The following SLC10A7 variants were observed in gnomAD, a reference collection of about 807,000 sequenced individuals.
SLC10A7 encodes solute carrier family 10 member 7, also known as sodium/bile acid cotransporter 7.
In SLC10A7, 29 loss-of-function variants were observed where a neutral mutation model predicts 43.2. That is an observed-to-expected ratio of 0.67 (90% CI 0.50 to 0.92). SLC10A7 has a LOEUF of 0.92. SLC10A7 is among the 40% of genes least tolerant of loss of function. The pLI is 0.00. For synonymous variants in SLC10A7, 152 were observed against 144.8 expected, an observed-to-expected ratio of 1.05 and a Z score of -0.35; for missense variants, 295 against 403.2, an observed-to-expected ratio of 0.73 and a Z score of 2.30.
At chr4:146,434,550 G>T (rs1004340522) in intron 5 of SLC10A7, among the ~76,000 whole-genome samples, 2 of 151,998 alleles carry the variant, frequency 1.3e-5, no homozygotes, top group East Asian at 3.9e-4. Flanking sequence ...ACTGCATTAC[G>T]TGAAGTTGTT....
chr4:146,422,412 G>A (rs1729026744), intron 5 of SLC10A7, among the ~76,000 whole-genome samples: 1 of 152,084 alleles, frequency 6.6e-6, no homozygotes, highest in South Asian at 2.1e-4. Context: ...AATATTGATA[G>A]GAGCAAATTA....
chr4:146,283,360 C>T, intron 9 of SLC10A7, 95 bp from the exon 10 acceptor site: 2 of 906,030 alleles, frequency 2.2e-6, no homozygotes, highest in Non-Finnish European at 3.6e-6. Context: ...TGTTAACATC[C>T]CTTTGATCAA....
chr4:146,457,399 CTTAG>C (rs1732155996), intron 4 of SLC10A7, among the ~76,000 whole-genome samples: 1 of 151,852 alleles, frequency 6.6e-6, no homozygotes, highest in Admixed American at 6.6e-5. Flanking sequence ...AATTATACTC[CTTAG>C]TTATTTTTAA....
chr4:146,382,542 T>C (rs1425403151), intron 5 of SLC10A7, among the ~76,000 whole-genome samples: 1 of 152,154 alleles, frequency 6.6e-6, no homozygotes, highest in East Asian at 1.9e-4. Flanking sequence ...ATTGATAATA[T>C]TTAATATGAA....
At chr4:146,433,259 T>G (rs1037484422) in intron 5 of SLC10A7, among the ~76,000 whole-genome samples, 52 of 150,098 alleles carry the variant, frequency 3.5e-4, no homozygotes, top group Non-Finnish European at 7.0e-4. Flanking sequence ...CCTCCTGGGT[T>G]CAAGTGATTC....
chr4:146,430,231 T>C (rs1729676746), intron 5 of SLC10A7, among the ~76,000 whole-genome samples: 1 of 151,668 alleles, frequency 6.6e-6, no homozygotes, highest in South Asian at 2.1e-4. Flanking sequence ...AGAGAGACAA[T>C]AGGGCCACAC....
At chr4:146,460,323 C>T (rs1732422172) in intron 4 of SLC10A7, among the ~76,000 whole-genome samples, 1 of 151,974 alleles carries the variant, frequency 6.6e-6, no homozygotes, top group South Asian at 2.1e-4. Flanking sequence ...ACCAAACCAT[C>T]CCACCACTAG....
At chr4:146,278,379 C>T (rs1729340676) in intron 10 of SLC10A7, among the ~76,000 whole-genome samples, 1 of 152,042 alleles carries the variant, frequency 6.6e-6, no homozygotes, top group African/African-American at 2.4e-5. Context: ...GAAATGCAAA[C>T]TTTTGTATTT....
Position 146,256,423 on chromosome 4 carries a change from T to A in SLC10A7, c.*68A>T, listed in dbSNP as rs1443258770. 6.9e-7 allele frequency: 1 copy of A among 1,456,210 alleles called. No homozygotes were observed. Among genetic ancestry groups the A allele is most frequent in the Non-Finnish European group, 9.6e-7 (1 of 1,044,196 alleles). 90.2% of individuals were successfully genotyped at this position (1,456,210 alleles called of 1,614,324 possible). A position where few individuals can be genotyped will look rare whatever the true frequency, so the allele number is the denominator to read the frequency against. ...TTGAGGCAACATTCACAAGTACAAGTCTTCAGAATTGCTAGTATGTACAAT... is the reference window on the plus strand; with the variant it reads ...TTGAGGCAACATTCACAAGTACAAGACTTCAGAATTGCTAGTATGTACAAT... On this transcript the variant is annotated 3_prime_UTR_variant, in exon 12 of 12. Transcript: ENST00000335472.
chr4:146,326,709 T>C (rs1733130705), intron 5 of SLC10A7, among the ~76,000 whole-genome samples: 1 of 152,126 alleles, frequency 6.6e-6, no homozygotes, highest in Admixed American at 6.6e-5. Flanking sequence ...AAACTAAGTG[T>C]TTGAGTTGGG....
intron 5 of SLC10A7, among the ~76,000 whole-genome samples, chr4:146,330,537 T>C (rs961427783): frequency 6.6e-6 from 1 of 152,188 alleles, no homozygotes; most frequent in African/African-American, 2.4e-5. Context: ...CACGTCCTTA[T>C]ATAACGCTGA....
intron 4 of SLC10A7, among the ~76,000 whole-genome samples, chr4:146,480,549 C>G (rs1410674893): frequency 6.6e-6 from 1 of 151,930 alleles, no homozygotes; most frequent in Non-Finnish European, 1.5e-5. Context: ...TCCTCAAGCT[C>G]TAATCAAATC....
In SLC10A7 at chr4:146,509,980, G is replaced by A; in HGVS notation, c.253C>T (p.Pro85Ser). ...FIQIFTLAFF[P>S]ATIWLFLQLL... ...TGAAGAAAAAGCCATATTGTTGCTG[G>A]GAAGAATGCAAGAGTAAAGATCTGA... Residue 85 changes from proline to serine, a missense_variant, in exon 3 of 12, where the codon CCA (proline) becomes TCA (serine). Physicochemically the swap from Pro to Ser is moderately conservative, Grantham distance 74 (BLOSUM62 -1). Coordinates refer to ENST00000335472, the MANE Select transcript of SLC10A7 (RefSeq NM_001029998.6). 6.2e-7 allele frequency: 1 copy of A among 1,613,614 alleles called. No homozygotes were observed. The highest frequency in any genetic ancestry group is 8.5e-7 in the Non-Finnish European group (1 of 1,179,774).
At chr4:146,515,122 C>T (rs1737823434) in intron 2 of SLC10A7, 1 of 702,170 alleles carries the variant, frequency 1.4e-6, no homozygotes, top group South Asian at 1.5e-5. Context: ...ACAAAGTTGG[C>T]TGCTTCGCAG....
chr4:146,268,854 G>A (rs1484698251), intron 10 of SLC10A7, among the ~76,000 whole-genome samples: 1 of 152,068 alleles, frequency 6.6e-6, no homozygotes, highest in Non-Finnish European at 1.5e-5. Context: ...AGGGTACTTA[G>A]GAACCCTAAA....
chr4:146,303,147 C>G (rs4835293), intron 7 of SLC10A7, among the ~76,000 whole-genome samples: 106,888 of 151,956 alleles, frequency 0.7, 37,807 homozygotes, highest in African/African-American at 0.75. Context: ...CTTAAGGCAG[C>G]ACAACTCTGA....
chr4:146,279,383 C>T (rs1221018523), intron 10 of SLC10A7, among the ~76,000 whole-genome samples: 2 of 152,148 alleles, frequency 1.3e-5, no homozygotes, highest in African/African-American at 2.4e-5. Flanking sequence ...GCCAATTCTA[C>T]AGGATATCTT....
At chr4:146,446,569 C>T (rs1048151994) in intron 4 of SLC10A7, among the ~76,000 whole-genome samples, 16 of 108,602 alleles carry the variant, frequency 1.5e-4, no homozygotes, top group Non-Finnish European at 1.5e-4. Flanking sequence ...GAGCAAGACC[C>T]TGTCTCAAAA....
At chr4:146,336,185 G>C (rs550848933) in intron 5 of SLC10A7, among the ~76,000 whole-genome samples, 129 of 152,268 alleles carry the variant, frequency 8.5e-4, no homozygotes, top group African/African-American at 2.9e-3. Flanking sequence ...TACCTGGAAA[G>C]CAGCCAAAGA....
Sources: gnomAD v4.1 joint callset for allele counts (sites outside exome capture counted in the v4.1 genomes callset) on GRCh38, gnomAD v4.1.1 for gene constraint, MANE v1.5 for transcripts, NCBI Gene and HGNC (gene_info 2026-07-23, HGNC 2026-07-21) for gene names.